Variants in ASAP2 observed in about 807,000 individuals in gnomAD.
The protein encoded by ASAP2 is arf-GAP with SH3 domain, ANK repeat and PH domain-containing protein 2.
Under a neutral mutation model 131.4 loss-of-function variants are expected in ASAP2, and 45 were observed. That is an observed-to-expected ratio of 0.34 (90% confidence interval 0.27 to 0.44). The LOEUF is 0.44. ASAP2 is among the 20% of genes least tolerant of loss of function. ASAP2 has a pLI of 1.00. For synonymous variants in ASAP2, 510 were observed against 503.0 expected (o/e 1.01, Z -0.19); for missense variants, 1,011 against 1,297.0 (o/e 0.78, Z 3.39).
intron 1 of ASAP2, chr2:9,271,475 C>G (rs1440605055): frequency 7.1e-7 from 1 of 1,399,564 alleles, no homozygotes; most frequent in Non-Finnish European, 1.0e-6. Flanking sequence ...GTGTAATCAT[C>G]AGCGATCCCT....
At chr2:9,367,774 G>GTGT (rs1399790834) in intron 15 of ASAP2, among the ~76,000 whole-genome samples, 2 of 152,174 alleles carry the variant, frequency 1.3e-5, no homozygotes, top group Admixed American at 6.5e-5. Context: ...AAAAAAGAAT[G>GTGT]TGTTAATTTA....
intron 2 of ASAP2, among the ~76,000 whole-genome samples, chr2:9,290,127 C>G (rs193281880): frequency 6.6e-6 from 1 of 152,116 alleles, no homozygotes; most frequent in Admixed American, 6.5e-5. Flanking sequence ...TACTCAGTTC[C>G]GAAGGCTGTG....
chr2:9,303,951 A>T (rs951547082), intron 3 of ASAP2, among the ~76,000 whole-genome samples: 1 of 152,222 alleles, frequency 6.6e-6, no homozygotes, highest in Non-Finnish European at 1.5e-5. Context: ...GCTGGGTGCT[A>T]TCCATGCGCT....
chr2:9,309,736 G>A (rs747624248), intron 3 of ASAP2, among the ~76,000 whole-genome samples: 1 of 152,332 alleles, frequency 6.6e-6, no homozygotes, highest in South Asian at 2.1e-4. Flanking sequence ...GGAATAGTGT[G>A]TATCTGCTTT....
intron 1 of ASAP2, among the ~76,000 whole-genome samples, chr2:9,219,678 TTA>T (rs1491299300): frequency 1.3e-5 from 2 of 152,208 alleles, no homozygotes; most frequent in East Asian, 3.9e-4. Flanking sequence ...TGTTGCTTTT[TTA>T]AAAAAAAATT....
At chr2:9,292,751 A>G (rs1432908005) in intron 2 of ASAP2, among the ~76,000 whole-genome samples, 1 of 152,194 alleles carries the variant, frequency 6.6e-6, no homozygotes, top group Non-Finnish European at 1.5e-5. Flanking sequence ...ATAGACTGAC[A>G]TATCTTTCCC....
At chr2:9,299,022 G>A (rs1043716955) in intron 3 of ASAP2, among the ~76,000 whole-genome samples, 52 of 152,222 alleles carry the variant, frequency 3.4e-4, no homozygotes, top group African/African-American at 1.2e-3. Context: ...TCAGAAAATA[G>A]ATCAAAAAGA....
At chr2:9,255,164 A>G (rs1464487601) in intron 1 of ASAP2, among the ~76,000 whole-genome samples, 2 of 152,220 alleles carry the variant, frequency 1.3e-5, no homozygotes, top group African/African-American at 4.8e-5. Context: ...CTGGTAACTA[A>G]TGAAACCAGA....
chr2:9,401,486 T>C, intron 27 of ASAP2, 90 bp downstream of exon 27: 1 of 1,511,292 alleles, frequency 6.6e-7, no homozygotes. Context: ...GGTGAGGTTT[T>C]CTCAGCCTGA....
rs200163597 is a variant in ASAP2, at chr2:9,273,194, A to AT, written c.127-6115dup. On this transcript the variant is annotated intron_variant, in intron 1 of 27. Transcript: ENST00000281419. ...CAGTCCACAAATATGGAATATCTTC[A>AT]TTTTTTTTGGTGTCCTCTTCAATTT... is the stretch of plus-strand genomic sequence containing the variant. 8.9e-3 allele frequency among the ~76,000 whole-genome samples: 1,353 copies of AT among 151,900 alleles called. 21 individuals carry two copies. Among genetic ancestry groups the AT allele is most frequent in the African/African-American group, 0.031 (1,271 of 41,434 alleles).
intron 1 of ASAP2, 126 bp from the exon 2 acceptor site, chr2:9,279,191 T>A: frequency 3.6e-6 from 3 of 832,344 alleles, no homozygotes; most frequent in Admixed American, 3.9e-5. Flanking sequence ...CAGAGGAGGC[T>A]TGTCTCCCAG....
intron 21 of ASAP2, among the ~76,000 whole-genome samples, chr2:9,387,869 G>A (rs1213939384): frequency 6.6e-6 from 1 of 152,174 alleles, no homozygotes; most frequent in East Asian, 1.9e-4. Flanking sequence ...GGCAGAAGGG[G>A]AAGCAGGCAC....
At chr2:9,351,044 A>T in intron 12 of ASAP2, 149 bp downstream of exon 12, 2 of 595,594 alleles carry the variant, frequency 3.4e-6, no homozygotes, top group Non-Finnish European at 5.5e-6. Context: ...TTTGTGTTCC[A>T]TTAGTAACTG....
intron 1 of ASAP2, among the ~76,000 whole-genome samples, chr2:9,208,840 T>C (rs569415978): frequency 2.6e-5 from 4 of 152,352 alleles, no homozygotes; most frequent in African/African-American, 9.6e-5. Flanking sequence ...TGAATATTTC[T>C]TAAGGGAAGG....
intron 1 of ASAP2, among the ~76,000 whole-genome samples, chr2:9,234,110 CAAA>C (rs70948810): frequency 0.028 from 2,140 of 76,532 alleles, 39 homozygotes; most frequent in Admixed American, 0.11. Flanking sequence ...AGCTATGTCT[CAAA>C]AAAAAAAAAA....
intron 3 of ASAP2, among the ~76,000 whole-genome samples, chr2:9,318,052 A>G (rs13414373): frequency 0.29 from 44,723 of 152,040 alleles, 6,959 homozygotes; most frequent in Non-Finnish European, 0.36. Context: ...CCTTTGCAGC[A>G]GACAGAAGAC....
intron 14 of ASAP2, among the ~76,000 whole-genome samples, chr2:9,356,867 A>T (rs1243880044): frequency 2.6e-5 from 4 of 152,096 alleles, no homozygotes; most frequent in Non-Finnish European, 5.9e-5. Flanking sequence ...GTGAAATAAG[A>T]TTTTATTTTT....
intron 1 of ASAP2, among the ~76,000 whole-genome samples, chr2:9,227,350 C>A (rs117123457): frequency 6.6e-6 from 1 of 152,290 alleles, no homozygotes; most frequent in East Asian, 1.9e-4. Flanking sequence ...CCCTCAGTGT[C>A]GTTCAGCAGT....
intron 24 of ASAP2, among the ~76,000 whole-genome samples, chr2:9,395,318 C>CA (rs1344428034): frequency 2.6e-5 from 4 of 151,868 alleles, no homozygotes; most frequent in Non-Finnish European, 2.9e-5. Context: ...ACTAAAAATA[C>CA]AAAAAAATTA....
Sources: gnomAD v4.1 joint callset for allele counts (sites outside exome capture counted in the v4.1 genomes callset) on GRCh38, gnomAD v4.1.1 for gene constraint, MANE v1.5 for transcripts, NCBI Gene and HGNC (gene_info 2026-07-23, HGNC 2026-07-21) for gene names.